Variants in ZCWPW2 observed in about 807,000 individuals in gnomAD.
ZCWPW2 encodes the protein zinc finger CW-type and PWWP domain containing 2.
ZCWPW2 carries 45 observed loss-of-function variants against 46.6 expected under a neutral mutation model. The observed-to-expected ratio is 0.96, with a 90% CI of 0.76 to 1.24. The LOEUF (loss-of-function observed/expected upper bound fraction) is 1.24, where lower values mean the gene tolerates loss of function less well. Ranked by LOEUF, ZCWPW2 falls within the 50% of genes most tolerant of loss-of-function variation. ZCWPW2 has a pLI of 0.00. For synonymous variants in ZCWPW2, 152 were observed against 137.1 expected (o/e 1.11, Z -0.76); for missense variants, 429 against 403.9 (o/e 1.06, Z -0.53).
intron 6 of ZCWPW2, among the ~76,000 whole-genome samples, chr3:28,496,664 C>T (rs1337382982): frequency 6.6e-6 from 1 of 151,788 alleles, no homozygotes; most frequent in East Asian, 1.9e-4. Context: ...TTAAAGACAG[C>T]CTGTTTTATA....
chr3:28,429,178 A>G (rs1697142094), intron 3 of ZCWPW2, among the ~76,000 whole-genome samples: 1 of 152,206 alleles, frequency 6.6e-6, no homozygotes, highest in South Asian at 2.1e-4. Flanking sequence ...AAATGCTGAT[A>G]GTGATATGGA....
At chr3:28,349,231 G>A (rs1326339697) in intron 1 of ZCWPW2, 28 bp downstream of exon 1, 6 of 983,716 alleles carry the variant, frequency 6.1e-6, no homozygotes, top group Non-Finnish European at 7.2e-6. Context: ...CGTCTTGTCT[G>A]TTGGGCCGAG....
intron 5 of ZCWPW2, among the ~76,000 whole-genome samples, chr3:28,490,060 A>G (rs544628788): frequency 1.3e-5 from 2 of 152,214 alleles, no homozygotes; most frequent in Non-Finnish European, 2.9e-5. Flanking sequence ...TAATGAGCAT[A>G]TGAAAAAATG....
chr3:28,359,611 A>T (rs1439307203), intron 1 of ZCWPW2, among the ~76,000 whole-genome samples: 1 of 152,172 alleles, frequency 6.6e-6, no homozygotes, highest in African/African-American at 2.4e-5. Context: ...CAACAAAAAA[A>T]GTTTGAAAGT....
intron 4 of ZCWPW2, among the ~76,000 whole-genome samples, chr3:28,475,362 T>TG (rs1315723751): frequency 2.0e-5 from 3 of 152,208 alleles, no homozygotes; most frequent in Non-Finnish European, 4.4e-5. Flanking sequence ...GTTACTGCCC[T>TG]GGTCCACACT....
In ZCWPW2 at chr3:28,525,695, G is replaced by A. The variant is rs1004844772; in HGVS notation, c.*1007G>A. Among the ~76,000 whole-genome samples the A allele has an allele frequency of 2.0e-5, 3 of 152,138 alleles. No homozygotes were observed. Among genetic ancestry groups the A allele is most frequent in the African/African-American group, 4.8e-5 (2 of 41,452 alleles). ...ACAAATAAGACACCAAACAACCAAC[G>A]TGTCACTCATTGAGTGGGTTGCTTC... On this transcript the variant is annotated 3_prime_UTR_variant, in exon 10 of 10. Transcript: ENST00000383768.
At chr3:28,507,422 A>G (rs1477602309) in intron 6 of ZCWPW2, among the ~76,000 whole-genome samples, 1 of 152,108 alleles carries the variant, frequency 6.6e-6, no homozygotes, top group East Asian at 1.9e-4. Flanking sequence ...ATACTTAATA[A>G]CAATATAGAA....
chr3:28,369,942 A>G (rs570519383), intron 1 of ZCWPW2, among the ~76,000 whole-genome samples: 130 of 152,208 alleles, frequency 8.5e-4, no homozygotes, highest in African/African-American at 2.8e-3. Flanking sequence ...CCGTGGGTGT[A>G]GGACCCTCCG....
intron 4 of ZCWPW2, among the ~76,000 whole-genome samples, chr3:28,442,695 A>T (rs1697815091): frequency 6.6e-6 from 1 of 152,240 alleles, no homozygotes; most frequent in Non-Finnish European, 1.5e-5. Flanking sequence ...TGCTCAAGCA[A>T]TGAAACCACA....
At chr3:28,380,081 C>A (rs1694977610) in intron 1 of ZCWPW2, among the ~76,000 whole-genome samples, 2 of 152,070 alleles carry the variant, frequency 1.3e-5, no homozygotes, top group Admixed American at 1.3e-4. Context: ...CTCCCGGGTT[C>A]ACACTGTTCT....
At position 28,524,517 on chromosome 3, in the gene ZCWPW2, T is replaced by A; in HGVS notation, c.910-10T>A. 1 of 1,600,812 alleles carries A rather than the reference T, an allele frequency of 6.2e-7. No individual in the cohort carries two copies. The highest frequency in any genetic ancestry group is 8.5e-7 in the Non-Finnish European group (1 of 1,175,784). ...ACATAGTTCCGATTAATTATATGGTTGTTTTGCAGTTATCTAAATGCAGCC... is the reference window on the plus strand; with the variant it reads ...ACATAGTTCCGATTAATTATATGGTAGTTTTGCAGTTATCTAAATGCAGCC... On this transcript the variant is annotated splice_polypyrimidine_tract_variant and intron_variant, in intron 9 of 9. Coordinates refer to ENST00000383768, the MANE Select transcript of ZCWPW2 (RefSeq NM_001040432.4).
intron 4 of ZCWPW2, among the ~76,000 whole-genome samples, chr3:28,440,530 T>C (rs1389149187): frequency 2.0e-5 from 3 of 152,336 alleles, no homozygotes; most frequent in African/African-American, 7.2e-5. Context: ...TATGCAGCCT[T>C]CTGGAGAACT....
chr3:28,398,792 C>T (rs909540831), intron 2 of ZCWPW2, among the ~76,000 whole-genome samples: 1 of 152,106 alleles, frequency 6.6e-6, no homozygotes, highest in African/African-American at 2.4e-5. Context: ...CCTGTGAGCT[C>T]GCTGGGTCCC....
chr3:28,384,030 C>G (rs553660720), intron 1 of ZCWPW2, among the ~76,000 whole-genome samples: 1 of 152,250 alleles, frequency 6.6e-6, no homozygotes, highest in Non-Finnish European at 1.5e-5. Context: ...TTCCTGGGCT[C>G]TCCCACAGCT....
chr3:28,392,531 C>T (rs905982189), intron 2 of ZCWPW2, among the ~76,000 whole-genome samples: 2 of 152,092 alleles, frequency 1.3e-5, no homozygotes, highest in Admixed American at 1.3e-4. Flanking sequence ...CTCACACATG[C>T]ACAGAACATT....
At chr3:28,438,358 A>G (rs1697583453) in intron 4 of ZCWPW2, among the ~76,000 whole-genome samples, 1 of 152,198 alleles carries the variant, frequency 6.6e-6, no homozygotes, top group Admixed American at 6.5e-5. Flanking sequence ...TGAAAGCCAG[A>G]CATTAAACAT....
At chr3:28,457,546 C>T (rs1031043862) in intron 4 of ZCWPW2, among the ~76,000 whole-genome samples, 1 of 152,176 alleles carries the variant, frequency 6.6e-6, no homozygotes, top group African/African-American at 2.4e-5. Context: ...CTGATTTAAA[C>T]CTGTACACTT....
At chr3:28,422,781 G>A (rs1277632526) in intron 3 of ZCWPW2, among the ~76,000 whole-genome samples, 1 of 151,980 alleles carries the variant, frequency 6.6e-6, no homozygotes, top group Non-Finnish European at 1.5e-5. Flanking sequence ...GTGTGTGTGT[G>A]TGTTTTTTTT....
rs536015791 is a variant in ZCWPW2, at chr3:28,513,911, T to C, written c.658-153T>C. 3.6e-4 allele frequency among the ~76,000 whole-genome samples: 55 copies of C among 151,924 alleles called. 2 individuals are homozygous for C. In the East Asian group the frequency reaches 9.1e-3, roughly 25 times the overall value. Reference sequence around the variant, plus strand: ...CTGATCCATGCAATTGCCGTGACTATGCAGTGGTTGACTAGACGTAAAGAT... The same window carrying C: ...CTGATCCATGCAATTGCCGTGACTACGCAGTGGTTGACTAGACGTAAAGAT... On this transcript the variant is annotated intron_variant, in intron 6 of 9. Transcript: ENST00000383768.
Sources: allele counts gnomAD v4.1 joint callset (sites outside exome capture counted in the v4.1 genomes callset), GRCh38; gene constraint gnomAD v4.1.1; transcripts MANE v1.5; gene names NCBI Gene and HGNC (gene_info 2026-07-23, HGNC 2026-07-21).